PRKCA: variants seen among roughly 807,000 people sequenced by gnomAD.
PRKCA encodes protein kinase C alpha type.
Under a neutral mutation model 87.0 loss-of-function variants are expected in PRKCA, and 27 were observed. That is an observed-to-expected ratio of 0.31 (90% CI 0.23 to 0.43). PRKCA has a LOEUF of 0.43. Among genes scored for constraint, PRKCA ranks in the 20% least tolerant of loss-of-function variants. The pLI, the probability that PRKCA is intolerant of heterozygous loss-of-function variation, is 1.00. For synonymous variants in PRKCA, 329 were observed against 311.1 expected (o/e 1.06, Z -0.61); for missense variants, 518 against 852.3 (o/e 0.61, Z 4.88).
Position 66,803,989 on chromosome 17 carries a change from G to A in PRKCA, c.1971G>A (p.Ser657=), listed in dbSNP as rs370194549. 1,148 of 1,613,896 alleles carry A rather than the reference G, an allele frequency of 7.1e-4. 12 individuals are homozygous for A. In the South Asian group the frequency reaches 0.01, roughly 14 times the overall value. The change falls in exon 17 of 17, where the codon TCG becomes TCA. Residue 657 remains serine (S), a synonymous_variant. Transcript: ENST00000413366. The surrounding 1 kb of genome is among the most constrained non-coding windows in gnomAD (Gnocchi z 4.4). ...NIDQSDFEGF[S]YVNPQFVHPI... ...ACCAGTCTGATTTTGAAGGGTTCTCGTATGTCAACCCCCAGTTTGTGCACC... is the reference window on the plus strand; with the variant it reads ...ACCAGTCTGATTTTGAAGGGTTCTCATATGTCAACCCCCAGTTTGTGCACC...
chr17:66,579,039 T>C (rs1292665260), intron 3 of PRKCA, among the ~76,000 whole-genome samples: 1 of 152,226 alleles, frequency 6.6e-6, no homozygotes, highest in Non-Finnish European at 1.5e-5. Flanking sequence ...GCTCCCTGCA[T>C]CTGTGGTGGC....
intron 2 of PRKCA, among the ~76,000 whole-genome samples, chr17:66,451,344 AT>A (rs1298899245): frequency 5.3e-4 from 16 of 30,232 alleles, no homozygotes; most frequent in South Asian, 1.3e-3. Flanking sequence ...CGGAGTTAGA[AT>A]TTATTTATTT....
intron 8 of PRKCA, among the ~76,000 whole-genome samples, chr17:66,710,920 G>T (rs978119776): frequency 6.6e-6 from 1 of 151,954 alleles, no homozygotes; most frequent in South Asian, 2.1e-4. Context: ...GCAGGTGCCC[G>T]TAATCCCAGC....
chr17:66,504,084 T>C (rs1043643273), intron 3 of PRKCA, among the ~76,000 whole-genome samples: 7 of 152,312 alleles, frequency 4.6e-5, no homozygotes, highest in Non-Finnish European at 7.3e-5. Flanking sequence ...GACCTTTGTT[T>C]TCTTACGTAT....
At chr17:66,732,129 C>CA (rs200958703) in intron 8 of PRKCA, among the ~76,000 whole-genome samples, 35,500 of 125,022 alleles carry the variant, frequency 0.28, 4,438 homozygotes, top group Middle Eastern at 0.38. Context: ...AAAAAAAAAT[C>CA]AAAAAAAAAA....
At chr17:66,608,806 A>G (rs1970276892) in intron 3 of PRKCA, among the ~76,000 whole-genome samples, 1 of 152,218 alleles carries the variant, frequency 6.6e-6, no homozygotes, top group Non-Finnish European at 1.5e-5. Context: ...TTGTTGTGTT[A>G]GCTGGTAATG....
At chr17:66,386,766 C>G (rs1016732816) in intron 2 of PRKCA, among the ~76,000 whole-genome samples, 2 of 151,998 alleles carry the variant, frequency 1.3e-5, no homozygotes, top group Non-Finnish European at 2.9e-5. Flanking sequence ...TATTCTTCCA[C>G]TAGTAATTAA....
chr17:66,439,919 C>T (rs1371021911), intron 2 of PRKCA, among the ~76,000 whole-genome samples: 3 of 152,142 alleles, frequency 2.0e-5, no homozygotes, highest in Non-Finnish European at 2.9e-5. Context: ...CGCCCCCATG[C>T]CCTAGAAATC....
intron 3 of PRKCA, among the ~76,000 whole-genome samples, chr17:66,596,680 C>T (rs1969990835): frequency 9.4e-6 from 1 of 106,846 alleles, no homozygotes; most frequent in Non-Finnish European, 1.9e-5. Context: ...GCTGCACCCA[C>T]TAACGTGTCA....
At chr17:66,534,837 G>T (rs571637501) in intron 3 of PRKCA, among the ~76,000 whole-genome samples, 1 of 152,300 alleles carries the variant, frequency 6.6e-6, no homozygotes, top group East Asian at 1.9e-4. Flanking sequence ...ACATGAAGGG[G>T]AATTGCCTGG....
At chr17:66,772,646 G>A (rs773958663) in intron 13 of PRKCA, among the ~76,000 whole-genome samples, 3 of 152,128 alleles carry the variant, frequency 2.0e-5, no homozygotes, top group Admixed American at 6.6e-5. Flanking sequence ...GGTACACAGC[G>A]TACCTGAGAG....
At chr17:66,775,549 C>G in intron 14 of PRKCA, 1 of 985,356 alleles carries the variant, frequency 1.0e-6, no homozygotes, top group Non-Finnish European at 1.2e-6. Context: ...ATGATTCTGC[C>G]GTGGGCAGCT....
chr17:66,405,152 G>A (rs1357138557), intron 2 of PRKCA, among the ~76,000 whole-genome samples: 1 of 152,166 alleles, frequency 6.6e-6, no homozygotes, highest in Non-Finnish European at 1.5e-5. Flanking sequence ...CACAGTGATT[G>A]TCCATGGGCT....
intron 2 of PRKCA, among the ~76,000 whole-genome samples, chr17:66,390,546 T>C (rs1002507541): frequency 3.9e-5 from 6 of 152,200 alleles, no homozygotes; most frequent in African/African-American, 1.4e-4. Flanking sequence ...TCTGCGGTTA[T>C]TTTCTGGAAA....
chr17:66,549,426 A>G (rs1036505833), intron 3 of PRKCA, among the ~76,000 whole-genome samples: 6 of 152,194 alleles, frequency 3.9e-5, no homozygotes, highest in Non-Finnish European at 8.8e-5. Context: ...CCCTTCTGCC[A>G]TGCAATAATA....
chr17:66,676,840 G>C (rs1353641782), intron 5 of PRKCA: 1 of 152,196 alleles, frequency 6.6e-6, no homozygotes, highest in African/African-American at 2.4e-5. Flanking sequence ...CATAGTTCCT[G>C]TCAGGAGACA....
chr17:66,698,699 G>A (rs973246709), intron 8 of PRKCA, among the ~76,000 whole-genome samples: 2 of 151,948 alleles, frequency 1.3e-5, no homozygotes, highest in Admixed American at 6.6e-5. Flanking sequence ...TGGCCCAGGT[G>A]TGGTGGTTCA....
Position 66,748,418 on chromosome 17 carries a change from T to C in PRKCA, c.1524+5658T>C, listed in dbSNP as rs543638457. The stretch of plus-strand genomic sequence containing the variant: ...TTCTTGAGGTCAAGAGTCCTATTAA[T>C]ATTTGGGGGGAGCATATTAAAGATG... On this transcript the variant is annotated intron_variant, in intron 13 of 16. Transcript: ENST00000413366. Among the ~76,000 whole-genome samples, 18 of 152,302 alleles carry C rather than the reference T, an allele frequency of 1.2e-4. No individual in the cohort carries two copies. In the South Asian group the frequency reaches 3.7e-3, roughly 32 times the overall value.
chr17:66,590,774 C>T (rs1485170201), intron 3 of PRKCA, among the ~76,000 whole-genome samples: 1 of 151,932 alleles, frequency 6.6e-6, no homozygotes, highest in Non-Finnish European at 1.5e-5. Context: ...CACTTGAACC[C>T]GGGAGGCGGA....
Sources: gnomAD v4.1 joint callset for allele counts (sites outside exome capture counted in the v4.1 genomes callset) on GRCh38, gnomAD v4.1.1 for gene constraint, Gnocchi (gnomAD v3.1) non-coding constraint, MANE v1.5 for transcripts, NCBI Gene and HGNC (gene_info 2026-07-23, HGNC 2026-07-21) for gene names.